C2orf42: variants seen among roughly 807,000 people sequenced by gnomAD.
C2orf42 encodes the protein uncharacterized protein C2orf42.
Under a neutral mutation model 58.9 loss-of-function variants are expected in C2orf42, and 44 were observed. The ratio of observed to expected loss-of-function variants is 0.75; its 90% confidence interval spans 0.59 to 0.96. The LOEUF is 0.96. Ranked by LOEUF, C2orf42 falls within the 40% of genes least tolerant of loss-of-function variation. C2orf42 has a pLI of 0.00. For synonymous variants in C2orf42, 239 were observed against 265.4 expected, an observed-to-expected ratio of 0.90 and a Z score of 0.97; for missense variants, 630 against 699.2, an observed-to-expected ratio of 0.90 and a Z score of 1.12.
chr2:70,168,896 G>A (rs1246146924), intron 6 of C2orf42, among the ~76,000 whole-genome samples: 1 of 151,870 alleles, frequency 6.6e-6, no homozygotes, highest in Non-Finnish European at 1.5e-5. Flanking sequence ...TGTATTTTTA[G>A]TAGAGATAGG....
chr2:70,155,551 C>T (rs1265186083), intron 9 of C2orf42, among the ~76,000 whole-genome samples: 1 of 152,156 alleles, frequency 6.6e-6, no homozygotes, highest in East Asian at 1.9e-4. Context: ...GTAATCCCAG[C>T]ACTTTGGGAG....
At position 70,181,184 on chromosome 2, in the gene C2orf42, A is replaced by T; in HGVS notation, c.802T>A (p.Phe268Ile). ...DETLAQEFSD[F>I]LNFDSSGLKE... ...CTACCGCTGGAATCAAAATTTAGGA[A>T]GTCTGAGAATTCCTGAGCCAGTGTC... The change falls in exon 3 of 10, where the codon TTC (phenylalanine) becomes ATC (isoleucine). Residue 268 changes from phenylalanine (F) to isoleucine (I), a missense_variant. By Grantham distance (21) the Phe-to-Ile change is conservative. Coordinates refer to ENST00000264434, the MANE Select transcript of C2orf42 (RefSeq NM_017880.3). 1 of 1,565,378 alleles carries T rather than the reference A, an allele frequency of 6.4e-7. No homozygotes were observed. The highest frequency in any genetic ancestry group is 8.7e-7 in the Non-Finnish European group (1 of 1,152,094).
intron 6 of C2orf42, among the ~76,000 whole-genome samples, chr2:70,168,507 C>T (rs1321523418): frequency 6.6e-6 from 1 of 151,216 alleles, no homozygotes; most frequent in Non-Finnish European, 1.5e-5. Flanking sequence ...CCAGGATGGT[C>T]TCAATCTTCT....
intron 9 of C2orf42, among the ~76,000 whole-genome samples, chr2:70,152,795 G>A (rs543134358): frequency 3.7e-4 from 56 of 152,294 alleles, no homozygotes; most frequent in African/African-American, 1.3e-3. Flanking sequence ...AGCACTTTGG[G>A]AGGCCAAGCC....
At chr2:70,164,348 T>A (rs1673259833) in intron 8 of C2orf42, among the ~76,000 whole-genome samples, 2 of 151,828 alleles carry the variant, frequency 1.3e-5, no homozygotes, top group Non-Finnish European at 1.5e-5. Flanking sequence ...AAATTTTTTT[T>A]AAAGGGTCAT....
At chr2:70,157,220 C>G (rs982808825) in intron 9 of C2orf42, among the ~76,000 whole-genome samples, 1 of 151,934 alleles carries the variant, frequency 6.6e-6, no homozygotes, top group Non-Finnish European at 1.5e-5. Context: ...TTTGGGCGGC[C>G]GAGGTGGATG....
At chr2:70,171,349 G>A (rs1174653373) in intron 5 of C2orf42, among the ~76,000 whole-genome samples, 1 of 152,066 alleles carries the variant, frequency 6.6e-6, no homozygotes, top group Non-Finnish European at 1.5e-5. Context: ...TATTCCTGAT[G>A]AACATGTATC....
chr2:70,180,492 C>T (rs1041264539), intron 3 of C2orf42, among the ~76,000 whole-genome samples: 8 of 147,546 alleles, frequency 5.4e-5, no homozygotes, highest in African/African-American at 2.0e-4. Flanking sequence ...CCTGTAATCC[C>T]GGCTACTTGG....
intron 8 of C2orf42, among the ~76,000 whole-genome samples, chr2:70,162,742 T>G (rs1434304983): frequency 6.6e-6 from 1 of 152,178 alleles, no homozygotes; most frequent in Admixed American, 6.5e-5. Flanking sequence ...AAATCGCTGG[T>G]ATTATAGCCA....
chr2:70,153,104 T>C (rs1672410246), intron 9 of C2orf42, among the ~76,000 whole-genome samples: 1 of 151,698 alleles, frequency 6.6e-6, no homozygotes, highest in African/African-American at 2.4e-5. Context: ...AGTAAAGCAA[T>C]TTGGGTGTGA....
chr2:70,165,654 A>G lies in C2orf42; in HGVS notation c.1145-19T>C. 2 of 1,377,580 alleles carry G rather than the reference A, an allele frequency of 1.5e-6. No individual in the cohort carries two copies. Among genetic ancestry groups the G allele is most frequent in the Non-Finnish European group, 2.1e-6 (2 of 966,508 alleles). 85.3% of individuals were successfully genotyped at this position (1,377,580 alleles called of 1,614,324 possible). A position where few individuals can be genotyped will look rare whatever the true frequency, so the allele number is the denominator to read the frequency against. ...GGTTTGCCTATGGGAAACAAGAAGAAACAACTCATTTAAAGAAACTCAGTG... is the reference window on the plus strand; with the variant it reads ...GGTTTGCCTATGGGAAACAAGAAGAGACAACTCATTTAAAGAAACTCAGTG... On this transcript the variant is annotated intron_variant, in intron 6 of 9. Transcript: ENST00000264434.
chr2:70,180,019 C>T (rs1367628353), intron 3 of C2orf42, among the ~76,000 whole-genome samples: 2 of 152,084 alleles, frequency 1.3e-5, no homozygotes, highest in Non-Finnish European at 2.9e-5. Flanking sequence ...GGGCCGGGTG[C>T]GGTGGCTCAC....
At chr2:70,182,482 C>T (rs756383119) in intron 2 of C2orf42, 185 bp downstream of exon 2, 17 of 153,744 alleles carry the variant, frequency 1.1e-4, no homozygotes, top group Non-Finnish European at 2.5e-4. Flanking sequence ...GCCTTTCATA[C>T]CTATTTTTTT....
intron 8 of C2orf42, among the ~76,000 whole-genome samples, chr2:70,163,794 G>A (rs1673217088): frequency 6.6e-6 from 1 of 152,028 alleles, no homozygotes; most frequent in Non-Finnish European, 1.5e-5. Context: ...AGGTTACAGT[G>A]AGCCGAGATC....
chr2:70,184,902 A>C (rs576761180), intron 1 of C2orf42, among the ~76,000 whole-genome samples: 71 of 149,370 alleles, frequency 4.8e-4, no homozygotes, highest in African/African-American at 1.7e-3. Context: ...CATCCTGGCT[A>C]ACACAGTGAA....
intron 6 of C2orf42, among the ~76,000 whole-genome samples, chr2:70,166,202 A>T (rs564610135): frequency 1.2e-3 from 177 of 150,202 alleles, no homozygotes; most frequent in African/African-American, 4.2e-3. Flanking sequence ...ATTTTTTTTT[A>T]AATTAGCCAG....
rs1279088250 is a variant in C2orf42 at position 70,160,649 on chromosome 2, C to T, written c.1492G>A (p.Glu498Lys). ...CCAACTTTGAGAAAAGTTTTTAGTT[C>T]CAAGGGTCGCAGCACTGGTTGTTTT... ...IEKQPVLRPL[E>K]LKTFLKVGNT... The change falls in exon 9 of 10, where the codon GAA becomes AAA. Residue 498 changes from glutamate to lysine, a missense_variant. Physicochemically the swap from Glu to Lys is moderately conservative, Grantham distance 56. Coordinates refer to ENST00000264434, the MANE Select transcript of C2orf42 (RefSeq NM_017880.3). The T allele has an allele frequency of 1.3e-6, 2 of 1,599,944 alleles. No homozygotes were observed. The highest frequency in any genetic ancestry group is 1.7e-6 in the Non-Finnish European group (2 of 1,176,636).
intron 1 of C2orf42, among the ~76,000 whole-genome samples, chr2:70,188,242 C>T (rs1429761356): frequency 6.6e-6 from 1 of 151,992 alleles, no homozygotes; most frequent in Non-Finnish European, 1.5e-5. Flanking sequence ...GGCTGGAGTG[C>T]AGTGGCGTGA....
At position 70,179,638 on chromosome 2, in the gene C2orf42, A is replaced by C. The variant is rs756194826; in HGVS notation, c.828T>G (p.Leu276=). 2 of 1,318,962 alleles carry C rather than the reference A, an allele frequency of 1.5e-6. No individual in the cohort carries two copies. The highest frequency in any genetic ancestry group is 2.2e-6 in the Non-Finnish European group (2 of 916,186). 81.7% of individuals were successfully genotyped at this position (1,318,962 alleles called of 1,614,324 possible). A position where few individuals can be genotyped will look rare whatever the true frequency, so the allele number is the denominator to read the frequency against. The change falls in exon 4 of 10, where the codon CTT becomes CTG. Residue 276 remains leucine (L), a synonymous_variant. Coordinates refer to ENST00000264434, the MANE Select transcript of C2orf42 (RefSeq NM_017880.3). ...CTAACTGGGGTACAATAATCTCTTT[A>C]AGACCTAAAAAAAAGAAGATTTCTG... ...SDFLNFDSSG[L]KEIIVPQLGC... is the part of the protein sequence containing the mutation.
Sources: gnomAD v4.1 joint callset for allele counts (sites outside exome capture counted in the v4.1 genomes callset) on GRCh38, gnomAD v4.1.1 for gene constraint, MANE v1.5 for transcripts, NCBI Gene and HGNC (gene_info 2026-07-23, HGNC 2026-07-21) for gene names.